CRYBG3: variants seen among roughly 807,000 people sequenced by gnomAD.
CRYBG3 encodes the protein crystallin beta-gamma domain containing 3, also known as very large A-kinase anchor protein.
Under a neutral mutation model 244.2 loss-of-function variants are expected in CRYBG3, and 127 were observed. The ratio of observed to expected loss-of-function variants is 0.52; its 90% CI spans 0.45 to 0.60. CRYBG3 has a LOEUF of 0.60. Among genes scored for constraint, CRYBG3 ranks in the 20% least tolerant of loss-of-function variants. CRYBG3 has a pLI of 0.00. For synonymous variants in CRYBG3, 1,132 were observed against 1,195.8 expected (o/e 0.95, Z 1.10); for missense variants, 3,325 against 3,442.5 (o/e 0.97, Z 0.85).
chr3:97,933,567 T>C (rs2040122255), intron 17 of CRYBG3, 127 bp from the exon 18 acceptor site: 1 of 940,284 alleles, frequency 1.1e-6, no homozygotes, highest in African/African-American at 1.6e-5. Context: ...TATAGCAACC[T>C]TAGAGAGTAA....
chr3:97,859,329 G>A (rs2039112475), intron 2 of CRYBG3, among the ~76,000 whole-genome samples: 1 of 152,154 alleles, frequency 6.6e-6, no homozygotes, highest in Non-Finnish European at 1.5e-5. Context: ...CACTGCTCAA[G>A]GGGGCAGGGC....
chr3:97,911,765 C>T (rs1180132050), intron 15 of CRYBG3, among the ~76,000 whole-genome samples: 3 of 152,192 alleles, frequency 2.0e-5, no homozygotes, highest in African/African-American at 4.8e-5. Flanking sequence ...ATCTAAGCCT[C>T]TTTCAGGTTT....
chr3:97,911,680 C>G (rs1481073399), intron 15 of CRYBG3, among the ~76,000 whole-genome samples: 1 of 152,240 alleles, frequency 6.6e-6, no homozygotes, highest in Non-Finnish European at 1.5e-5. Flanking sequence ...TGTGCTCGTG[C>G]TCTCCTCTTC....
At chr3:97,925,078 T>C (rs923421754) in intron 17 of CRYBG3, among the ~76,000 whole-genome samples, 1 of 152,000 alleles carries the variant, frequency 6.6e-6, no homozygotes, top group Non-Finnish European at 1.5e-5. Flanking sequence ...GGAGGACTGC[T>C]TGAGTTCAGA....
Position 97,878,110 on chromosome 3 carries a change from TAAGAA to T in CRYBG3, c.6843+77_6843+81del. 4 of 1,363,906 alleles carry T rather than the reference TAAGAA, an allele frequency of 2.9e-6. No homozygotes were observed. In the African/African-American group the frequency reaches 4.4e-5, roughly 15 times the overall value. The allele number at this position is 1,363,906 out of a possible 1,614,324, so 84.5% of individuals were successfully genotyped here. On this transcript the variant is annotated intron_variant, in intron 4 of 21. Transcript: ENST00000389622. ...GTCACGAAATTATCTAAAGGCTTAT[TAAGAA>T]AAGTCAATGTTTTGGCCAAGCATGG...
chr3:97,859,835 A>G (rs1243639153), intron 2 of CRYBG3, among the ~76,000 whole-genome samples: 1 of 152,128 alleles, frequency 6.6e-6, no homozygotes. Flanking sequence ...GGCAGAGAAG[A>G]TGTCCTTCTC....
Position 97,880,024 on chromosome 3 carries a change from G to T in CRYBG3, c.6928G>T (p.Glu2310Ter). ...YDLHESTYKQ[E>*]VYCNIPDATS... ...TCTCCATGAAAGTACATATAAACAA[G>T]AAGTCTACTGTAATATTCCTGATGC... The change falls in exon 6 of 22, where the codon GAA (glutamate) becomes TAA (stop). Residue 2310 changes from glutamate (E) to a stop codon, truncating the protein, a stop_gained. Coordinates refer to ENST00000389622, the MANE Select transcript of CRYBG3 (RefSeq NM_153605.4). LOFTEE classifies it high-confidence loss of function. The T allele has an allele frequency of 6.3e-6, 10 of 1,598,416 alleles. No homozygotes were observed. The highest frequency in any genetic ancestry group is 8.6e-6 in the Non-Finnish European group (10 of 1,168,606).
chr3:97,836,974 A>G (rs1028482940), intron 1 of CRYBG3: 10 of 152,138 alleles, frequency 6.6e-5, no homozygotes, highest in African/African-American at 2.2e-4. Flanking sequence ...TAGATCTGAC[A>G]GAGATCTCAT....
At position 97,886,718 on chromosome 3, in the gene CRYBG3, G is replaced by A; in HGVS notation, c.7240G>A (p.Glu2414Lys). 1 of 1,612,498 alleles carries A rather than the reference G, an allele frequency of 6.2e-7. No homozygotes were observed. Among genetic ancestry groups the A allele is most frequent in the African/African-American group, 1.3e-5 (1 of 74,892 alleles). ...CATACAGAGAGCAGTCCCCAATTTG[G>A]AAGAACTGAATATCTCCAAATCTGT... ...VYIQRAVPNL[E>K]ELNISKSVSF... is the part of the protein sequence containing the mutation. Residue 2414 changes from glutamate (E) to lysine (K), a missense_variant, in exon 8 of 22, where the codon GAA becomes AAA. Coordinates refer to ENST00000389622, the MANE Select transcript of CRYBG3 (RefSeq NM_153605.4).
chr3:97,837,821 G>T (rs748165855), intron 1 of CRYBG3, among the ~76,000 whole-genome samples: 1 of 152,132 alleles, frequency 6.6e-6, no homozygotes, highest in African/African-American at 2.4e-5. Context: ...AGGTAAGCAA[G>T]CCTCTAGAAG....
At chr3:97,867,677 T>C (rs1278205075) in intron 3 of CRYBG3, among the ~76,000 whole-genome samples, 2 of 152,222 alleles carry the variant, frequency 1.3e-5, no homozygotes, top group African/African-American at 4.8e-5. Context: ...TTCTTTGGAT[T>C]ATGTACCTTT....
rs1389759960 is a variant in CRYBG3 at position 97,874,423 on chromosome 3, C to T, written c.3229C>T (p.His1077Tyr). The T allele has an allele frequency of 5.2e-6, 8 of 1,535,068 alleles. No individual in the cohort carries two copies. The highest frequency in any genetic ancestry group is 7.0e-6 in the Non-Finnish European group (8 of 1,146,576). ...AGAAGTTAGCATGATAGTAAATTCA[C>T]ATAAGCCCCAAAATAATTTGGATTC... ...PEEVSMIVNS[H>Y]KPQNNLDSIQ... The change falls in exon 4 of 22, where the codon CAT (histidine) becomes TAT (tyrosine). Residue 1077 changes from histidine (H) to tyrosine (Y), a missense_variant. By Grantham distance (83) the His-to-Tyr change is moderately conservative (BLOSUM62 2). Coordinates refer to ENST00000389622, the MANE Select transcript of CRYBG3 (RefSeq NM_153605.4).
chr3:97,904,985 G>A (rs1055847042), intron 15 of CRYBG3, among the ~76,000 whole-genome samples: 8 of 149,606 alleles, frequency 5.3e-5, no homozygotes, highest in African/African-American at 1.5e-4. Context: ...GAGAATATGC[G>A]GTGTTTGGTT....
chr3:97,889,560 C>T (rs1200720427), intron 10 of CRYBG3, among the ~76,000 whole-genome samples, 170 bp downstream of exon 10: 1 of 152,086 alleles, frequency 6.6e-6, no homozygotes, highest in Non-Finnish European at 1.5e-5. Flanking sequence ...GAGGGCCCAA[C>T]CCTATGGCTG....
chr3:97,884,491 T>G (rs2039485647), intron 7 of CRYBG3, among the ~76,000 whole-genome samples: 1 of 152,168 alleles, frequency 6.6e-6, no homozygotes, highest in Non-Finnish European at 1.5e-5. Context: ...ACTATAAAAC[T>G]GTCTTCATTC....
Position 97,943,505 on chromosome 3 carries a change from T to C in CRYBG3, c.*191T>C. The C allele has an allele frequency of 1.9e-6, 1 of 538,898 alleles. No homozygotes were observed. The highest frequency in any genetic ancestry group is 3.2e-6 in the Non-Finnish European group (1 of 311,482). 33.4% of individuals were successfully genotyped at this position (538,898 alleles called of 1,614,324 possible). ...AAGCTCAAAATATTCTTGCCATTACTCAGTGTTCCTATAAAGAAAATATTA... is the reference window on the plus strand; with the variant it reads ...AAGCTCAAAATATTCTTGCCATTACCCAGTGTTCCTATAAAGAAAATATTA... On this transcript the variant is annotated 3_prime_UTR_variant, in exon 22 of 22. Coordinates refer to ENST00000389622, the MANE Select transcript of CRYBG3 (RefSeq NM_153605.4).
intron 15 of CRYBG3, among the ~76,000 whole-genome samples, chr3:97,902,182 T>C (rs1575951605): frequency 6.6e-6 from 1 of 152,262 alleles, no homozygotes; most frequent in African/African-American, 2.4e-5. Flanking sequence ...TAATTTTCCC[T>C]GAGGAATAAG....
At chr3:97,893,104 C>G (rs1553706568) in intron 11 of CRYBG3, 111 bp downstream of exon 11, 2 of 925,890 alleles carry the variant, frequency 2.2e-6, no homozygotes, top group Non-Finnish European at 3.3e-6. Flanking sequence ...AATATACATT[C>G]CTTCTGTAAT....
chr3:97,854,111 T>C (rs2039028392), intron 2 of CRYBG3, among the ~76,000 whole-genome samples: 1 of 152,160 alleles, frequency 6.6e-6, no homozygotes, highest in Non-Finnish European at 1.5e-5. Context: ...TTTTGTATGC[T>C]TTGTTGAAGA....
Sources: gnomAD v4.1 joint callset for allele counts (sites outside exome capture counted in the v4.1 genomes callset) on GRCh38, gnomAD v4.1.1 for gene constraint, MANE v1.5 for transcripts, NCBI Gene and HGNC (gene_info 2026-07-23, HGNC 2026-07-21) for gene names.